Variants in ZSCAN32 observed in about 807,000 individuals in gnomAD.
ZSCAN32 encodes zinc finger and SCAN domain containing 32, also known as zinc finger and SCAN domain-containing protein 32.
A neutral mutation model predicts 47.4 loss-of-function variants in ZSCAN32; 52 were observed. The ratio of observed to expected loss-of-function variants is 1.10; its 90% confidence interval spans 0.88 to 1.38. ZSCAN32 has a LOEUF of 1.38. ZSCAN32 is among the 40% of genes most tolerant of loss of function. The pLI is 0.00. For synonymous variants in ZSCAN32, 346 were observed against 305.7 expected (o/e 1.13, Z -1.38); for missense variants, 959 against 846.0 (o/e 1.13, Z -1.66).
intron 1 of ZSCAN32, among the ~76,000 whole-genome samples, chr16:3,399,400 G>C (rs2033675544): frequency 6.6e-6 from 1 of 152,038 alleles, no homozygotes. Context: ...GCAAATGTAA[G>C]ATCAGAGTTG....
intron 2 of ZSCAN32, among the ~76,000 whole-genome samples, chr16:3,394,612 A>G (rs2033192223): frequency 6.6e-6 from 1 of 152,156 alleles, no homozygotes; most frequent in Non-Finnish European, 1.5e-5. Context: ...TTTAAAATCT[A>G]GAGTCCTGTC....
At chr16:3,393,951 T>C in intron 2 of ZSCAN32, 137 bp from the exon 3 acceptor site, 1 of 669,872 alleles carries the variant, frequency 1.5e-6, no homozygotes, top group Non-Finnish European at 2.3e-6. Context: ...ATTGCTGCTG[T>C]AATAAAATAA....
chr16:3,383,431 C>CT lies in ZSCAN32; in HGVS notation c.1514dup (p.Ser506GlufsTer20). 3 of 1,614,206 alleles carry CT rather than the reference C, an allele frequency of 1.9e-6. No homozygotes were observed. Among genetic ancestry groups the CT allele is most frequent in the Non-Finnish European group, 2.5e-6 (3 of 1,180,046 alleles). On this transcript the variant is annotated frameshift_variant, in exon 7 of 7. Coordinates refer to ENST00000396852, the MANE Select transcript of ZSCAN32 (RefSeq NM_001284527.2). LOFTEE classifies it low-confidence loss of function (END_TRUNC). Reference sequence around the variant, plus strand: ...CTGGCTTGTGGGGAGAGTGCACACTCTGAGAGCAGTTTTTCCCACAGAGGA... The same window carrying CT: ...CTGGCTTGTGGGGAGAGTGCACACTCTTGAGAGCAGTTTTTCCCACAGAGGA...
chr16:3,396,414 A>T (rs1299353470), intron 2 of ZSCAN32, among the ~76,000 whole-genome samples: 1 of 152,136 alleles, frequency 6.6e-6, no homozygotes, highest in Non-Finnish European at 1.5e-5. Context: ...ACACAAGTAT[A>T]TCTGCTGCCT....
Position 3,384,519 on chromosome 16 carries a change from T to G in ZSCAN32, c.1174A>C (p.Arg392=), listed in dbSNP as rs1462266069. ...TTCCTGACTTCCTGGCCAGGATTCC[T>G]GAAGTCCTTTTCATCCCTGTCTGCA... The part of the protein sequence containing the change: ...DGADRDEKDF[R]NPGQEVRKLD... The change falls in exon 6 of 7, where the codon AGG becomes CGG. Residue 392 remains arginine (R), a synonymous_variant. Coordinates refer to ENST00000396852, the MANE Select transcript of ZSCAN32 (RefSeq NM_001284527.2). 5 of 1,614,040 alleles carry G rather than the reference T, an allele frequency of 3.1e-6. No individual in the cohort carries two copies. Among genetic ancestry groups the G allele is most frequent in the Non-Finnish European group, 4.2e-6 (5 of 1,180,048 alleles).
Position 3,383,037 on chromosome 16 carries a change from C to T in ZSCAN32, c.1909G>A (p.Val637Met), listed in dbSNP as rs745330302. ...CTATTGTTGAAGATTTTCCCACACA[C>T]TGCACACTTGTATGGGCTCTCCCCA... ...HTGESPYKCAVCGKIFNNSSH... is the reference protein window; with the variant it reads ...HTGESPYKCAMCGKIFNNSSH... The change falls in exon 7 of 7, where the codon GTG (valine) becomes ATG (methionine). Residue 637 changes from valine to methionine, a missense_variant. Physicochemically the swap from Val to Met is conservative, Grantham distance 21 (BLOSUM62 1). Coordinates refer to ENST00000396852, the MANE Select transcript of ZSCAN32 (RefSeq NM_001284527.2). The T allele has an allele frequency of 6.2e-7, 1 of 1,614,098 alleles. No homozygotes were observed. Among genetic ancestry groups the T allele is most frequent in the East Asian group, 2.2e-5 (1 of 44,882 alleles).
intron 5 of ZSCAN32, among the ~76,000 whole-genome samples, chr16:3,387,458 G>C (rs2032149861): frequency 6.6e-6 from 1 of 152,232 alleles, no homozygotes; most frequent in African/African-American, 2.4e-5. Context: ...AAACATCTGA[G>C]AAGAGCAGTT....
In ZSCAN32 at chr16:3,384,705, T is replaced by A. The variant is rs571904652; in HGVS notation, c.988A>T (p.Ile330Phe). 3.3e-5 allele frequency: 53 copies of A among 1,614,172 alleles called. 1 individual carries two copies. In the South Asian group the frequency reaches 5.4e-4, roughly 16 times the overall value. ...AGAGCATTCATTTCCTCATAAAAGA[T>A]ACAAGGCTCAGGCACACGGCCTCTC... ...VRRGRVPEPCIFYEEMNALSG... is the reference protein window; with the variant it reads ...VRRGRVPEPCFFYEEMNALSG... Residue 330 changes from isoleucine (I) to phenylalanine (F), a missense_variant, in exon 6 of 7, where the codon ATC becomes TTC. By Grantham distance (21) the Ile-to-Phe change is conservative (BLOSUM62 0). Transcript: ENST00000396852.
chr16:3,396,311 C>T (rs2033363934), intron 2 of ZSCAN32, among the ~76,000 whole-genome samples: 1 of 152,196 alleles, frequency 6.6e-6, no homozygotes, highest in African/African-American at 2.4e-5. Context: ...GTCAAAAGTA[C>T]TAACTCTTCA....
intron 1 of ZSCAN32, among the ~76,000 whole-genome samples, chr16:3,400,277 A>G (rs940665610): frequency 6.6e-6 from 1 of 152,204 alleles, no homozygotes; most frequent in Non-Finnish European, 1.5e-5. Flanking sequence ...AAAGAAACTG[A>G]GAGCGATGAA....
Position 3,397,527 on chromosome 16 carries a change from G to T in ZSCAN32, c.31C>A (p.His11Asn), listed in dbSNP as rs901891397. MMAAVKSTEA[H>N]PSSNKDPTQG... Reference sequence around the variant, plus strand: ...GTGGGATCCTTGTTTGAGGATGGGTGTGCCTCGGTACTCTTCACTGCAGCC... The same window carrying T: ...GTGGGATCCTTGTTTGAGGATGGGTTTGCCTCGGTACTCTTCACTGCAGCC... Residue 11 changes from histidine to asparagine, a missense_variant, in exon 2 of 7, where the codon CAC (histidine) becomes AAC (asparagine). By Grantham distance (68) the His-to-Asn change is moderately conservative (BLOSUM62 1). Coordinates refer to ENST00000396852, the MANE Select transcript of ZSCAN32 (RefSeq NM_001284527.2). 6.5e-7 allele frequency: 1 copy of T among 1,549,282 alleles called. No homozygotes were observed. The highest frequency in any genetic ancestry group is 2.0e-5 in the Admixed American group (1 of 50,938).
intron 2 of ZSCAN32, among the ~76,000 whole-genome samples, chr16:3,394,497 C>T (rs1262029883): frequency 6.6e-6 from 1 of 152,170 alleles, no homozygotes; most frequent in Non-Finnish European, 1.5e-5. Flanking sequence ...CCTCTCTCTT[C>T]ACCTCATGGC....
rs780801820 is a variant in ZSCAN32, at chr16:3,393,671, T to C, written c.510A>G (p.Gln170=). ...TACCTTCTGACTGTTCCCCTGGTCT[T>C]TGGTGTGAGCTCTGTGATCCCTTAA... The part of the protein sequence containing the change: ...PTFKGSQSSH[Q]RPGEQSEAWL... The change falls in exon 3 of 7, where the codon CAA becomes CAG. Residue 170 remains glutamine (Q), a synonymous_variant. Coordinates refer to ENST00000396852, the MANE Select transcript of ZSCAN32 (RefSeq NM_001284527.2). The C allele has an allele frequency of 1.3e-6, 2 of 1,548,270 alleles. No individual in the cohort carries two copies. Among genetic ancestry groups the C allele is most frequent in the Non-Finnish European group, 1.7e-6 (2 of 1,145,970 alleles).
intron 4 of ZSCAN32, 130 bp from the exon 5 acceptor site, chr16:3,390,263 A>G: frequency 2.8e-6 from 4 of 1,424,088 alleles, no homozygotes; most frequent in Middle Eastern, 1.8e-4. Context: ...TCCCAGTGGG[A>G]CAGGTTCTGA....
intron 5 of ZSCAN32, among the ~76,000 whole-genome samples, chr16:3,389,213 A>G (rs1269268586): frequency 6.6e-6 from 1 of 152,306 alleles, no homozygotes; most frequent in Admixed American, 6.5e-5. Context: ...AGTTCCTGGC[A>G]AAGGAGGGGA....
chr16:3,400,130 A>G (rs1000553807), intron 1 of ZSCAN32, among the ~76,000 whole-genome samples: 23 of 152,310 alleles, frequency 1.5e-4, no homozygotes, highest in African/African-American at 5.5e-4. Context: ...AAATTTTTTT[A>G]TATTTTAAAA....
intron 6 of ZSCAN32, chr16:3,384,232 A>C (rs1240455034): frequency 6.5e-6 from 4 of 615,898 alleles, no homozygotes; most frequent in Non-Finnish European, 1.1e-5. Flanking sequence ...ACTCCATGGG[A>C]AAAGATGACA....
chr16:3,394,755 A>G (rs956423469), intron 2 of ZSCAN32, among the ~76,000 whole-genome samples: 1 of 152,096 alleles, frequency 6.6e-6, no homozygotes, highest in Non-Finnish European at 1.5e-5. Context: ...ACTCTTCCCC[A>G]GTCTCTGAGC....
chr16:3,385,320 C>T (rs2150872686), intron 5 of ZSCAN32, among the ~76,000 whole-genome samples: 1 of 152,220 alleles, frequency 6.6e-6, no homozygotes, highest in Middle Eastern at 3.4e-3. Context: ...GAGAGAATGC[C>T]ATGCTCATGG....
Sources: gnomAD v4.1 joint callset for allele counts (sites outside exome capture counted in the v4.1 genomes callset) on GRCh38, gnomAD v4.1.1 for gene constraint, MANE v1.5 for transcripts, NCBI Gene and HGNC (gene_info 2026-07-23, HGNC 2026-07-21) for gene names.